Variants in EYA1 observed in about 807,000 individuals in gnomAD.
The protein encoded by EYA1 is EYA transcriptional coactivator and phosphatase 1.
Under a neutral mutation model 82.0 loss-of-function variants are expected in EYA1, and 16 were observed. The observed-to-expected ratio is 0.20, with a 90% confidence interval of 0.13 to 0.30. The LOEUF (loss-of-function observed/expected upper bound fraction) is 0.30, where lower values mean the gene tolerates loss of function less well. EYA1 is among the 10% of genes least tolerant of loss of function. EYA1 has a pLI of 1.00. For synonymous variants in EYA1, 261 were observed against 264.4 expected, an observed-to-expected ratio of 0.99 and a Z score of 0.12; for missense variants, 633 against 730.7, an observed-to-expected ratio of 0.87 and a Z score of 1.54.
At chr8:71,531,743 G>C (rs568537723) in intron 2 of EYA1, among the ~76,000 whole-genome samples, 173 of 152,286 alleles carry the variant, frequency 1.1e-3, no homozygotes, top group Non-Finnish European at 2.0e-3. Context: ...TGCTCATCCA[G>C]ATGGGAACCC....
At chr8:71,456,105 C>A (rs1319833934) in intron 2 of EYA1, among the ~76,000 whole-genome samples, 2 of 150,284 alleles carry the variant, frequency 1.3e-5, no homozygotes, top group Non-Finnish European at 2.9e-5. Context: ...CATTCTTATA[C>A]ACCAATAACA....
chr8:71,426,813 C>A (rs549305122), intron 2 of EYA1, among the ~76,000 whole-genome samples: 1 of 152,230 alleles, frequency 6.6e-6, no homozygotes, highest in East Asian at 1.9e-4. Flanking sequence ...AGTTGCTTTG[C>A]TCTGAAATAA....
chr8:71,370,588 G>C (rs907264134), intron 2 of EYA1, among the ~76,000 whole-genome samples: 3 of 151,618 alleles, frequency 2.0e-5, no homozygotes, highest in Non-Finnish European at 4.4e-5. Flanking sequence ...ATGAAGAAAA[G>C]CAGGTAATAG....
At chr8:71,472,811 A>ATATATATATATC (rs988307541) in intron 2 of EYA1, among the ~76,000 whole-genome samples, 2 of 147,852 alleles carry the variant, frequency 1.4e-5, no homozygotes, top group African/African-American at 4.9e-5. Context: ...ATATATATAT[A>ATATATATATATC]TATCTGTCAG....
chr8:71,225,046 C>T, intron 12 of EYA1: 1 of 276,444 alleles, frequency 3.6e-6, no homozygotes, highest in Non-Finnish European at 7.4e-6. Flanking sequence ...TGATAAAGAC[C>T]CTCTGTCCAT....
intron 10 of EYA1, 43 bp from the exon 11 acceptor site, chr8:71,269,866 A>C: frequency 6.7e-7 from 1 of 1,498,360 alleles, no homozygotes; most frequent in Non-Finnish European, 9.3e-7. Context: ...GCCTTGGCTG[A>C]GAAAGCTGTT....
chr8:71,481,836 CAGGAGGAGG>C (rs1314048528), intron 2 of EYA1, among the ~76,000 whole-genome samples: 19 of 151,550 alleles, frequency 1.3e-4, no homozygotes, highest in Non-Finnish European at 2.2e-4. Context: ...GAAGGAGGAG[CAGGAGGAGG>C]AGGAGGAGGA....
At chr8:71,440,488 G>A (rs1418551721) in intron 2 of EYA1, among the ~76,000 whole-genome samples, 3 of 152,166 alleles carry the variant, frequency 2.0e-5, no homozygotes, top group African/African-American at 7.2e-5. Flanking sequence ...GGGTGAGAGA[G>A]TACAGGATGA....
At chr8:71,443,332 C>G (rs1806576353) in intron 2 of EYA1, among the ~76,000 whole-genome samples, 1 of 152,070 alleles carries the variant, frequency 6.6e-6, no homozygotes, top group South Asian at 2.1e-4. Context: ...TGCTCTGTTG[C>G]CCAGGCTGGA....
chr8:71,354,248 AT>A (rs1451254157), intron 3 of EYA1, among the ~76,000 whole-genome samples: 1 of 152,132 alleles, frequency 6.6e-6, no homozygotes, highest in African/African-American at 2.4e-5. Flanking sequence ...TGCTGTGTAT[AT>A]TTCATAAACA....
Position 71,361,753 on chromosome 8 carries a change from G to A in EYA1, c.-161C>T, listed in dbSNP as rs930479769. 4.1e-6 allele frequency: 4 copies of A among 985,414 alleles called. No homozygotes were observed. The African/African-American group carries it at 5.2e-5, about 13-fold the overall frequency. The allele number at this position is 985,414 out of a possible 1,614,324, so 61.0% of individuals were successfully genotyped here. A position where few individuals can be genotyped will look rare whatever the true frequency, so the allele number is the denominator to read the frequency against. On this transcript the variant is annotated 5_prime_UTR_variant, in exon 1 of 18. Transcript: ENST00000340726. ...TTTTGCTCCTGGATGGGTACGCGCG[G>A]GGGCTCTCAGGCGCTCTGGTGCAGC... is the stretch of plus-strand genomic sequence containing the variant.
chr8:71,399,382 G>A (rs575668303), intron 2 of EYA1, among the ~76,000 whole-genome samples: 1 of 152,260 alleles, frequency 6.6e-6, no homozygotes, highest in Non-Finnish European at 1.5e-5. Flanking sequence ...CTGCAGACTG[G>A]GCTGTTCCTA....
At chr8:71,466,126 TG>T (rs1808752927) in intron 2 of EYA1, among the ~76,000 whole-genome samples, 1 of 152,136 alleles carries the variant, frequency 6.6e-6, no homozygotes, top group Non-Finnish European at 1.5e-5. Flanking sequence ...TCTAAAATGA[TG>T]GGGAGATTAG....
chr8:71,216,243 C>T (rs1423900995), intron 14 of EYA1, among the ~76,000 whole-genome samples: 1 of 152,182 alleles, frequency 6.6e-6, no homozygotes, highest in African/African-American at 2.4e-5. Flanking sequence ...AAACCAACCT[C>T]ACCCCTAAAC....
At chr8:71,281,682 T>G (rs1586163058) in intron 9 of EYA1, among the ~76,000 whole-genome samples, 1 of 152,210 alleles carries the variant, frequency 6.6e-6, no homozygotes, top group East Asian at 1.9e-4. Context: ...CTCCTGGAGG[T>G]GCAGCCTGTG....
In EYA1 at chr8:71,197,884, T is replaced by A. The variant is rs1304094253; in HGVS notation, c.*1456A>T. 6.6e-6 allele frequency: 1 copy of A among 152,506 alleles called. No homozygotes were observed. Among genetic ancestry groups the A allele is most frequent in the African/African-American group, 2.4e-5 (1 of 41,456 alleles). The allele number at this position is 152,506 out of a possible 1,614,324, so 9.4% of individuals were successfully genotyped here. On this transcript the variant is annotated 3_prime_UTR_variant, in exon 18 of 18. Transcript: ENST00000340726. Reference sequence around the variant, plus strand: ...CTGACCACTTTTGGAGAAACTCTTATGGTCTGACAAAGGTGATAATTTTAT... The same window carrying A: ...CTGACCACTTTTGGAGAAACTCTTAAGGTCTGACAAAGGTGATAATTTTAT...
chr8:71,450,120 T>C (rs1807233830), intron 2 of EYA1, among the ~76,000 whole-genome samples: 1 of 152,240 alleles, frequency 6.6e-6, no homozygotes, highest in Non-Finnish European at 1.5e-5. Context: ...TAGGCTCTTT[T>C]GTTTTCTTAT....
chr8:71,238,930 T>C (rs561909431), intron 12 of EYA1, among the ~76,000 whole-genome samples: 10 of 152,174 alleles, frequency 6.6e-5, no homozygotes, highest in Non-Finnish European at 1.2e-4. Flanking sequence ...ATCAGTAGAA[T>C]ATAAAGTATT....
intron 2 of EYA1, among the ~76,000 whole-genome samples, chr8:71,375,104 G>T (rs74374186): frequency 0.029 from 4,420 of 151,984 alleles, 218 homozygotes; most frequent in African/African-American, 0.099. Context: ...TAATTATACC[G>T]CATTGTATAC....
Sources: allele counts gnomAD v4.1 joint callset (sites outside exome capture counted in the v4.1 genomes callset), GRCh38; gene constraint gnomAD v4.1.1; transcripts MANE v1.5; gene names NCBI Gene and HGNC (gene_info 2026-07-23, HGNC 2026-07-21).